The following DLGAP2 variants were observed in gnomAD, a reference collection of about 807,000 sequenced individuals.
The protein encoded by DLGAP2 is disks large-associated protein 2.
Under a neutral mutation model 100.3 loss-of-function variants are expected in DLGAP2, and 26 were observed. The observed-to-expected ratio is 0.26, with a 90% CI of 0.19 to 0.36. DLGAP2 has a LOEUF of 0.36. DLGAP2 is among the 10% of genes least tolerant of loss of function. The pLI is 1.00. For missense variants in DLGAP2, 1,858 were observed against 1,453.2 expected (o/e 1.28, Z -4.53); for synonymous variants, 886 against 630.1 (o/e 1.41, Z -6.08).
intron 2 of DLGAP2, among the ~76,000 whole-genome samples, chr8:1,155,046 G>GCCTGGGCACCAGCACCTCTCAC (rs1796756194): frequency 6.6e-6 from 1 of 152,096 alleles, no homozygotes; most frequent in South Asian, 2.1e-4. Context: ...GCAGGCCTCT[G>GCCTGGGCACCAGCACCTCTCAC]CCTGGGCACC....
intron 8 of DLGAP2, among the ~76,000 whole-genome samples, chr8:1,657,258 C>T (rs1798305810): frequency 6.6e-6 from 1 of 152,092 alleles, no homozygotes; most frequent in Admixed American, 6.5e-5. Context: ...TTTTTAAGGA[C>T]GTAGACTAGA....
In DLGAP2 at chr8:1,154,287, T is replaced by A. The variant is rs1796742694; in HGVS notation, c.74-104564T>A. Among the ~76,000 whole-genome samples, 4 of 152,286 alleles carry A rather than the reference T, an allele frequency of 2.6e-5. No individual in the cohort carries two copies. The South Asian group carries it at 8.3e-4, about 32-fold the overall frequency. ...TGTCAGGTTTGAAGAGCTGAGTTAC[T>A]GACCTGGGGTGAGTTTGTGAGATCC... On this transcript the variant is annotated intron_variant, in intron 2 of 14. Coordinates refer to ENST00000637795, the MANE Select transcript of DLGAP2 (RefSeq NM_001346810.2).
intron 2 of DLGAP2, among the ~76,000 whole-genome samples, chr8:1,040,292 G>A (rs1415830587): frequency 4.8e-5 from 7 of 146,426 alleles, no homozygotes; most frequent in Admixed American, 1.4e-4. Flanking sequence ...CTCGGGTTCC[G>A]TGGTCAGCTC....
chr8:1,575,001 C>G (rs1321652266), intron 6 of DLGAP2, among the ~76,000 whole-genome samples: 1 of 152,180 alleles, frequency 6.6e-6, no homozygotes, highest in Non-Finnish European at 1.5e-5. Flanking sequence ...TGTGCACACA[C>G]TCACTACACA....
intron 1 of DLGAP2, among the ~76,000 whole-genome samples, chr8:892,527 G>A (rs150575266): frequency 1.4e-3 from 208 of 152,208 alleles, no homozygotes; most frequent in Non-Finnish European, 2.4e-3. Context: ...TAGAATGGGG[G>A]GTGCCAGGGG....
rs143643941 is a variant in DLGAP2, at chr8:998,845, G to C, written c.73+90879G>C. ...GCAGTCTTTATACTGTGTATATTTTGGGGGAACTGGAATGTGTTGTGGCAT... is the reference window on the plus strand; with the variant it reads ...GCAGTCTTTATACTGTGTATATTTTCGGGGAACTGGAATGTGTTGTGGCAT... On this transcript the variant is annotated intron_variant, in intron 2 of 14. Coordinates refer to ENST00000637795, the MANE Select transcript of DLGAP2 (RefSeq NM_001346810.2). Among the ~76,000 whole-genome samples, 699 of 152,198 alleles carry C rather than the reference G, an allele frequency of 4.6e-3. 5 individuals are homozygous for C. Among genetic ancestry groups the C allele is most frequent in the African/African-American group, 0.016 (657 of 41,510 alleles).
At chr8:935,591 T>A (rs879361000) in intron 2 of DLGAP2, among the ~76,000 whole-genome samples, 1 of 152,208 alleles carries the variant, frequency 6.6e-6, no homozygotes, top group Non-Finnish European at 1.5e-5. Flanking sequence ...TTGGACGGTG[T>A]GGCTCTGTCG....
At chr8:1,427,654 G>C (rs1316213454) in intron 3 of DLGAP2, among the ~76,000 whole-genome samples, 2 of 152,154 alleles carry the variant, frequency 1.3e-5, no homozygotes, top group Non-Finnish European at 2.9e-5. Context: ...TCTTGATAGT[G>C]AATGAGTCTC....
rs79169547 is a variant in DLGAP2, at chr8:1,451,905, C to T, written c.107-49461C>T. On this transcript the variant is annotated intron_variant, in intron 3 of 14. Coordinates refer to ENST00000637795, the MANE Select transcript of DLGAP2 (RefSeq NM_001346810.2). ...CAGAGCTCACGGGCTCCCACACACACGGCCCAGGCCCCACACCCTGCTCTC... is the reference window on the plus strand; with the variant it reads ...CAGAGCTCACGGGCTCCCACACACATGGCCCAGGCCCCACACCCTGCTCTC... 8.8e-3 allele frequency among the ~76,000 whole-genome samples: 1,334 copies of T among 152,384 alleles called. 18 individuals carry two copies. The highest frequency in any genetic ancestry group is 0.014 in the Non-Finnish European group (949 of 68,038).
At chr8:1,080,282 C>T (rs554095126) in intron 2 of DLGAP2, among the ~76,000 whole-genome samples, 36 of 152,338 alleles carry the variant, frequency 2.4e-4, no homozygotes, top group African/African-American at 7.2e-4. Flanking sequence ...ACCCCCGCCC[C>T]GCCGCCCGCG....
intron 3 of DLGAP2, among the ~76,000 whole-genome samples, chr8:1,363,438 A>G (rs7834734): frequency 0.7 from 106,823 of 152,106 alleles, 37,941 homozygotes; most frequent in East Asian, 0.96. Flanking sequence ...AGGCACCTGT[A>G]AGCCCTCCGT....
chr8:1,626,663 G>C, intron 6 of DLGAP2, 77 bp from the exon 7 acceptor site: 1 of 1,531,162 alleles, frequency 6.5e-7, no homozygotes, highest in Non-Finnish European at 8.8e-7. Context: ...TCTGGGTGTG[G>C]GTTGGATGGT....
chr8:1,172,308 T>C (rs1039669975), intron 2 of DLGAP2, among the ~76,000 whole-genome samples: 5 of 152,170 alleles, frequency 3.3e-5, no homozygotes, highest in African/African-American at 1.2e-4. Context: ...TCTCTGGCTC[T>C]CCTTAACATT....
chr8:874,361 C>A (rs774085210), intron 1 of DLGAP2, among the ~76,000 whole-genome samples: 9 of 151,986 alleles, frequency 5.9e-5, no homozygotes, highest in Non-Finnish European at 1.2e-4. Flanking sequence ...TCCCTTGAAC[C>A]CTGCTTTGGC....
intron 4 of DLGAP2, among the ~76,000 whole-genome samples, chr8:1,502,503 C>G (rs1179577772): frequency 1.3e-5 from 2 of 152,188 alleles, no homozygotes; most frequent in African/African-American, 4.8e-5. Context: ...CGTCCATTAT[C>G]CACTGCAACT....
intron 1 of DLGAP2, among the ~76,000 whole-genome samples, chr8:771,893 C>G (rs983627489): frequency 1.2e-4 from 18 of 152,150 alleles, no homozygotes; most frequent in Non-Finnish European, 2.4e-4. Context: ...CTAGGCTCAT[C>G]TGCAATTTTA....
intron 2 of DLGAP2, among the ~76,000 whole-genome samples, chr8:1,075,433 C>T (rs1803575897): frequency 6.6e-6 from 1 of 152,048 alleles, no homozygotes; most frequent in African/African-American, 2.4e-5. Context: ...CTGCAATGGG[C>T]TTGTTTCTGT....
intron 1 of DLGAP2, among the ~76,000 whole-genome samples, chr8:878,509 G>A (rs1797725498): frequency 6.6e-6 from 1 of 152,188 alleles, no homozygotes; most frequent in South Asian, 2.1e-4. Flanking sequence ...CTAGGAAAAT[G>A]GGTTAGGATT....
At chr8:837,886 G>GT (rs1250374583) in intron 1 of DLGAP2, among the ~76,000 whole-genome samples, 4,528 of 110,898 alleles carry the variant, frequency 0.041, 249 homozygotes, top group African/African-American at 0.1. Context: ...CCGGCTAGTT[G>GT]TTTTTTGTTT....
Sources: allele counts gnomAD v4.1 joint callset (sites outside exome capture counted in the v4.1 genomes callset), GRCh38; gene constraint gnomAD v4.1.1; transcripts MANE v1.5; gene names NCBI Gene and HGNC (gene_info 2026-07-23, HGNC 2026-07-21).